Variants in PTK7 observed in about 807,000 individuals in gnomAD.
PTK7 encodes the protein protein tyrosine kinase 7 (inactive).
Under a neutral mutation model 116.6 loss-of-function variants are expected in PTK7, and 39 were observed. The ratio of observed to expected loss-of-function variants is 0.33; its 90% CI spans 0.26 to 0.44. The LOEUF (loss-of-function observed/expected upper bound fraction) is 0.44. Among genes scored for constraint, PTK7 ranks in the 20% least tolerant of loss-of-function variants. The pLI is 1.00. For missense variants in PTK7, 1,169 were observed against 1,425.6 expected (o/e 0.82, Z 2.90); for synonymous variants, 546 against 563.6 (o/e 0.97, Z 0.44).
intron 1 of PTK7, among the ~76,000 whole-genome samples, chr6:43,109,311 G>A (rs1004052872): frequency 6.6e-6 from 1 of 152,096 alleles, no homozygotes; most frequent in African/African-American, 2.4e-5. Context: ...AAGTAGCTGG[G>A]ACTACAGGAG....
chr6:43,144,178 G>A, intron 14 of PTK7: 1 of 467,480 alleles, frequency 2.1e-6, no homozygotes, highest in South Asian at 2.9e-5. Flanking sequence ...ATGGTATTAA[G>A]GACCAGTGAT....
chr6:43,079,080 T>G (rs1766219502), intron 1 of PTK7, among the ~76,000 whole-genome samples: 1 of 152,062 alleles, frequency 6.6e-6, no homozygotes, highest in Non-Finnish European at 1.5e-5. Flanking sequence ...AGAGCAGCAT[T>G]GAGTGGTGGA....
Position 43,076,711 on chromosome 6 carries a change from G to C in PTK7, c.79+144G>C. The stretch of plus-strand genomic sequence containing the variant: ...CTCGCTGGGGGTGCAGGCTTGCGGC[G>C]GAAGGGCGCAAGGAGCCCGGGTGTC... On this transcript the variant is annotated intron_variant, in intron 1 of 19. Transcript: ENST00000230419. The surrounding 1 kb of genome is among the most constrained non-coding windows in gnomAD (Gnocchi z 5.7). The C allele has an allele frequency of 7.3e-7, 1 of 1,377,826 alleles. No homozygotes were observed. The highest frequency in any genetic ancestry group is 9.5e-7 in the Non-Finnish European group (1 of 1,049,304). The allele number at this position is 1,377,826 out of a possible 1,614,324, so 85.4% of individuals were successfully genotyped here.
intron 17 of PTK7, among the ~76,000 whole-genome samples, chr6:43,147,868 C>T (rs531650228): frequency 2.5e-4 from 38 of 152,196 alleles, no homozygotes; most frequent in Non-Finnish European, 4.7e-4. Flanking sequence ...GGACTTGCTA[C>T]ACCAGCTAAG....
At chr6:43,155,190 A>AT (rs1253686683) in intron 17 of PTK7, among the ~76,000 whole-genome samples, 246 of 146,876 alleles carry the variant, frequency 1.7e-3, no homozygotes, top group Middle Eastern at 3.5e-3. Context: ...AGATACTCAA[A>AT]TTTTTTTTTT....
intron 17 of PTK7, among the ~76,000 whole-genome samples, chr6:43,152,556 C>T (rs1396086208): frequency 6.6e-6 from 1 of 152,200 alleles, no homozygotes; most frequent in Non-Finnish European, 1.5e-5. Context: ...CTAATTACAT[C>T]ATTCATTTAG....
chr6:43,151,302 C>T (rs1771064154), intron 17 of PTK7, among the ~76,000 whole-genome samples: 1 of 149,360 alleles, frequency 6.7e-6, no homozygotes, highest in Non-Finnish European at 1.5e-5. Flanking sequence ...AGCTCCGCCT[C>T]CCGGGTTCAC....
intron 5 of PTK7, among the ~76,000 whole-genome samples, chr6:43,131,064 C>T (rs1648737167): frequency 6.7e-6 from 1 of 149,524 alleles, no homozygotes; most frequent in Non-Finnish European, 1.5e-5. Context: ...CACACACACA[C>T]ACACACACAC....
At chr6:43,159,691 C>G in intron 18 of PTK7, 97 bp from the exon 19 acceptor site, 1 of 1,295,398 alleles carries the variant, frequency 7.7e-7, no homozygotes, top group South Asian at 1.2e-5. Flanking sequence ...AAGGCTGGGC[C>G]CCCGGCTTGG....
Position 43,143,682 on chromosome 6 carries a change from C to A in PTK7, c.2251+62C>A. The A allele has an allele frequency of 6.5e-7, 1 of 1,538,938 alleles. No individual in the cohort carries two copies. The highest frequency in any genetic ancestry group is 1.2e-5 in the South Asian group (1 of 86,346). ...CGGGAGCTGAGCGCCCTCCCGCGGC[C>A]ACGGAGGGGAGAGCGCCAGCACTCT... On this transcript the variant is annotated intron_variant, in intron 14 of 19. Transcript: ENST00000230419. The surrounding 1 kb of genome is among the most constrained non-coding windows in gnomAD (Gnocchi z 4.2).
chr6:43,096,712 T>C (rs1335014503), intron 1 of PTK7, among the ~76,000 whole-genome samples: 1 of 152,156 alleles, frequency 6.6e-6, no homozygotes, highest in Non-Finnish European at 1.5e-5. Flanking sequence ...TGGGCTAGCC[T>C]GGGCACCTGC....
chr6:43,144,295 C>G (rs1770596612), intron 14 of PTK7, 156 bp from the exon 15 acceptor site: 13 of 851,762 alleles, frequency 1.5e-5, no homozygotes, highest in Non-Finnish European at 2.4e-5. Context: ...CCAGCCCCAG[C>G]CCCATTATTT....
chr6:43,156,228 CAAAAAAAAAAAAAAA>C (rs5875828), intron 17 of PTK7, among the ~76,000 whole-genome samples: 1 of 47,278 alleles, frequency 2.1e-5, no homozygotes, highest in Non-Finnish European at 3.7e-5. Context: ...TACCCTGTCT[CAAAAAAAAAAAAAAA>C]AAAAAAAAAA....
At chr6:43,092,588 G>C (rs951100836) in intron 1 of PTK7, among the ~76,000 whole-genome samples, 10 of 152,128 alleles carry the variant, frequency 6.6e-5, no homozygotes, top group African/African-American at 1.7e-4. Flanking sequence ...CCAGGATTGG[G>C]GGGACTACTG....
Position 43,076,868 on chromosome 6 carries a change from T to C in PTK7, c.79+301T>C, listed in dbSNP as rs550189592. 6.8e-4 allele frequency: 1,001 copies of C among 1,477,324 alleles called. 4 individuals are homozygous for C. The highest frequency in any genetic ancestry group is 2.0e-3 in the Admixed American group (88 of 43,888). 91.5% of individuals were successfully genotyped at this position (1,477,324 alleles called of 1,614,324 possible). A position where few individuals can be genotyped will look rare whatever the true frequency, so the allele number is the denominator to read the frequency against. On this transcript the variant is annotated intron_variant, in intron 1 of 19. Coordinates refer to ENST00000230419, the MANE Select transcript of PTK7 (RefSeq NM_002821.5). This position sits in a 1 kb window ranked among gnomAD's most constrained non-coding sequence, Gnocchi z 5.7. ...TTGCTCGAGAACTGCCGAGAGTTGCTGGCTCTCGGGCCCAGATGGGGAGTT... is the reference window on the plus strand; with the variant it reads ...TTGCTCGAGAACTGCCGAGAGTTGCCGGCTCTCGGGCCCAGATGGGGAGTT...
chr6:43,082,941 C>T (rs997814281), intron 1 of PTK7, among the ~76,000 whole-genome samples: 1 of 152,328 alleles, frequency 6.6e-6, no homozygotes, highest in African/African-American at 2.4e-5. Flanking sequence ...GGCATGTCTC[C>T]GCTGGGCTTT....
chr6:43,135,471 A>G (rs1769976111), intron 7 of PTK7, among the ~76,000 whole-genome samples: 1 of 152,244 alleles, frequency 6.6e-6, no homozygotes, highest in South Asian at 2.1e-4. Context: ...AGGTGCCAGT[A>G]GAACAAGGGA....
Position 43,076,762 on chromosome 6 carries a change from C to A in PTK7, c.79+195C>A. ...GGGAGGCTGGCGAAGCCTCCAGGGA[C>A]GCGGTCAGGGTACCCCTCCCACTCG... On this transcript the variant is annotated intron_variant, in intron 1 of 19. Coordinates refer to ENST00000230419, the MANE Select transcript of PTK7 (RefSeq NM_002821.5). This position sits in a 1 kb window ranked among gnomAD's most constrained non-coding sequence, Gnocchi z 5.7. 1 of 1,396,050 alleles carries A rather than the reference C, an allele frequency of 7.2e-7. No individual in the cohort carries two copies. Among genetic ancestry groups the A allele is most frequent in the Non-Finnish European group, 9.3e-7 (1 of 1,074,408 alleles). The allele number at this position is 1,396,050 out of a possible 1,614,324, so 86.5% of individuals were successfully genotyped here.
At chr6:43,155,040 A>T (rs1771341789) in intron 17 of PTK7, among the ~76,000 whole-genome samples, 1 of 152,224 alleles carries the variant, frequency 6.6e-6, no homozygotes. Flanking sequence ...GCAGGTGCTC[A>T]CCAAATGGCC....
Sources: gnomAD v4.1 joint callset for allele counts (sites outside exome capture counted in the v4.1 genomes callset) on GRCh38, gnomAD v4.1.1 for gene constraint, Gnocchi (gnomAD v3.1) non-coding constraint, MANE v1.5 for transcripts, NCBI Gene and HGNC (gene_info 2026-07-23, HGNC 2026-07-21) for gene names.